The following RSBN1L variants were observed in gnomAD, a reference collection of about 807,000 sequenced individuals.
RSBN1L encodes round spermatid basic protein 1 like.
In RSBN1L, 30 loss-of-function variants were observed where a neutral mutation model predicts 67.7. The observed-to-expected ratio is 0.44, with a 90% CI of 0.33 to 0.60. The LOEUF is 0.60. RSBN1L is among the 20% of genes least tolerant of loss of function. The pLI is 0.02. For synonymous variants in RSBN1L, 433 were observed against 387.0 expected (o/e 1.12, Z -1.39); for missense variants, 992 against 1,031.7 (o/e 0.96, Z 0.53).
chr7:77,714,145 T>C (rs999706044), intron 1 of RSBN1L, among the ~76,000 whole-genome samples: 6 of 152,240 alleles, frequency 3.9e-5, no homozygotes, highest in African/African-American at 1.4e-4. Context: ...CATTACTCTA[T>C]CTTTAGGATA....
At chr7:77,706,838 G>A (rs771240696) in intron 1 of RSBN1L, among the ~76,000 whole-genome samples, 13 of 152,084 alleles carry the variant, frequency 8.5e-5, no homozygotes, top group Non-Finnish European at 1.5e-4. Context: ...GGCAATTACA[G>A]TTGGTAATCT....
Position 77,765,723 on chromosome 7 carries a change from T to G in RSBN1L, c.1482+91T>G, listed in dbSNP as rs1584302082. 13 of 950,492 alleles carry G rather than the reference T, an allele frequency of 1.4e-5. No homozygotes were observed. The East Asian group carries it at 2.5e-4, about 18-fold the overall frequency. 58.9% of individuals were successfully genotyped at this position (950,492 alleles called of 1,614,324 possible). ...GTAATCTAAATTGTGATTGTTTCTT[T>G]CATGCTACATGCAATATAAATGAAT... On this transcript the variant is annotated intron_variant, in intron 4 of 7. Coordinates refer to ENST00000334955, the MANE Select transcript of RSBN1L (RefSeq NM_198467.3).
At chr7:77,748,334 C>A (rs1329289491) in intron 2 of RSBN1L, among the ~76,000 whole-genome samples, 1 of 151,882 alleles carries the variant, frequency 6.6e-6, no homozygotes. Flanking sequence ...CACGGAGACA[C>A]CAGAAAAAAT....
intron 3 of RSBN1L, 78 bp downstream of exon 3, chr7:77,750,142 T>C (rs893263573): frequency 7.3e-6 from 6 of 825,526 alleles, no homozygotes; most frequent in African/African-American, 1.8e-5. Flanking sequence ...TTCCTAATTA[T>C]AGGGCTGAAA....
intron 1 of RSBN1L, among the ~76,000 whole-genome samples, chr7:77,725,812 A>T (rs1791195463): frequency 6.7e-6 from 1 of 150,068 alleles, no homozygotes; most frequent in Admixed American, 6.7e-5. Flanking sequence ...TTGGTCTGGA[A>T]CTCCTGACCT....
chr7:77,699,452 C>T (rs12536294), intron 1 of RSBN1L, among the ~76,000 whole-genome samples: 10 of 152,146 alleles, frequency 6.6e-5, no homozygotes, highest in Admixed American at 1.3e-4. Context: ...TCTAACAGAA[C>T]GTATTTGGGT....
At chr7:77,773,031 A>G in intron 5 of RSBN1L, 116 bp from the exon 6 acceptor site, 1 of 543,094 alleles carries the variant, frequency 1.8e-6, no homozygotes, top group Non-Finnish European at 3.1e-6. Flanking sequence ...TTTTAAAGAT[A>G]GAATTTGATT....
intron 6 of RSBN1L, among the ~76,000 whole-genome samples, chr7:77,776,925 G>T (rs77716144): frequency 0.13 from 19,593 of 151,160 alleles, 2,434 homozygotes; most frequent in East Asian, 0.67. Flanking sequence ...AGTAAATTTG[G>T]TTTTAAATTT....
At chr7:77,774,474 A>C (rs914179806) in intron 6 of RSBN1L, among the ~76,000 whole-genome samples, 4 of 152,172 alleles carry the variant, frequency 2.6e-5, no homozygotes, top group Non-Finnish European at 2.9e-5. Flanking sequence ...CACAACTGTA[A>C]TCCCAGCACT....
rs185777386 is a variant in RSBN1L at position 77,775,838 on chromosome 7, C to T, written c.1794-2500C>T. On this transcript the variant is annotated intron_variant, in intron 6 of 7. Coordinates refer to ENST00000334955, the MANE Select transcript of RSBN1L (RefSeq NM_198467.3). The stretch of plus-strand genomic sequence containing the variant: ...TGGGAGGCCAAGGCGGGCGGATCAC[C>T]TGAGGTCAGGAGTTCCAGACCAGCC... Among the ~76,000 whole-genome samples the T allele has an allele frequency of 2.0e-5, 3 of 152,096 alleles. No individual in the cohort carries two copies. In the East Asian group the frequency reaches 5.8e-4, roughly 30 times the overall value.
At chr7:77,738,200 A>G (rs538879424) in intron 2 of RSBN1L, among the ~76,000 whole-genome samples, 2 of 152,194 alleles carry the variant, frequency 1.3e-5, no homozygotes, top group Non-Finnish European at 2.9e-5. Flanking sequence ...TAAAAGCCTC[A>G]TATGTTCTTG....
At chr7:77,701,583 T>C (rs1387211883) in intron 1 of RSBN1L, among the ~76,000 whole-genome samples, 3 of 152,006 alleles carry the variant, frequency 2.0e-5, no homozygotes, top group Non-Finnish European at 4.4e-5. Flanking sequence ...AATTTTATAA[T>C]TTATATATTT....
chr7:77,714,926 G>T (rs1200769407), intron 1 of RSBN1L, among the ~76,000 whole-genome samples: 3 of 143,342 alleles, frequency 2.1e-5, no homozygotes, highest in Non-Finnish European at 4.5e-5. Flanking sequence ...TGGCACTACT[G>T]CACTCCAGCC....
At chr7:77,767,755 T>C (rs1375185053) in intron 4 of RSBN1L, among the ~76,000 whole-genome samples, 1 of 51,466 alleles carries the variant, frequency 1.9e-5, no homozygotes, top group Non-Finnish European at 3.5e-5. Context: ...CCCCCCTTTT[T>C]CCCTCCCCCT....
Position 77,702,082 on chromosome 7 carries a change from C to T in RSBN1L, c.586+5027C>T, listed in dbSNP as rs531740585. 3.3e-5 allele frequency among the ~76,000 whole-genome samples: 5 copies of T among 152,322 alleles called. No homozygotes were observed. The East Asian group carries it at 7.7e-4, about 24-fold the overall frequency. On this transcript the variant is annotated intron_variant, in intron 1 of 7. Coordinates refer to ENST00000334955, the MANE Select transcript of RSBN1L (RefSeq NM_198467.3). ...CCAGGTTCGCATGATTCTCCTGCCT[C>T]AGCCTCCTGAGTAGCTGGGACTACA...
At chr7:77,737,003 T>C (rs2150421124) in intron 2 of RSBN1L, among the ~76,000 whole-genome samples, 1 of 152,312 alleles carries the variant, frequency 6.6e-6, no homozygotes, top group South Asian at 2.1e-4. Flanking sequence ...CTTGTATGTT[T>C]AAGAATATCC....
rs1247108550 is a variant in RSBN1L, at chr7:77,743,181, G to A, written c.704-6243G>A. Reference sequence around the variant, plus strand: ...TGATCCTTCTGCCTCAGCCTCCTGAGTAGCTGGGAATACAGGTATTTGCCA... The same window carrying A: ...TGATCCTTCTGCCTCAGCCTCCTGAATAGCTGGGAATACAGGTATTTGCCA... On this transcript the variant is annotated intron_variant, in intron 2 of 7. Transcript: ENST00000334955. Among the ~76,000 whole-genome samples, 2 of 152,076 alleles carry A rather than the reference G, an allele frequency of 1.3e-5. 1 individual carries two copies. The highest frequency in any genetic ancestry group is 4.8e-5 in the African/African-American group (2 of 41,398).
intron 5 of RSBN1L, among the ~76,000 whole-genome samples, chr7:77,771,403 C>T (rs1003867551): frequency 6.6e-6 from 1 of 152,074 alleles, no homozygotes; most frequent in Non-Finnish European, 1.5e-5. Flanking sequence ...TAATGTTTCT[C>T]TAGCACCTAA....
At chr7:77,716,961 C>T (rs1345132243) in intron 1 of RSBN1L, among the ~76,000 whole-genome samples, 25 of 124,832 alleles carry the variant, frequency 2.0e-4, no homozygotes, top group African/African-American at 6.9e-4. Context: ...TTCTTACATT[C>T]TTTTTTTTTT....
Sources: allele counts gnomAD v4.1 joint callset (sites outside exome capture counted in the v4.1 genomes callset), GRCh38; gene constraint gnomAD v4.1.1; transcripts MANE v1.5; gene names NCBI Gene and HGNC (gene_info 2026-07-23, HGNC 2026-07-21).